Variants in UMODL1 observed in about 807,000 individuals in gnomAD.
UMODL1 encodes uromodulin like 1.
Under a neutral mutation model 136.3 loss-of-function variants are expected in UMODL1, and 128 were observed. That is an observed-to-expected ratio of 0.94 (90% CI 0.81 to 1.09). The LOEUF (loss-of-function observed/expected upper bound fraction) is 1.09. Ranked by LOEUF, UMODL1 falls within the 50% of genes least tolerant of loss-of-function variation. The probability of loss-of-function intolerance (pLI) is 0.00; values close to 1 mark genes in which losing one functional copy is unlikely to be tolerated. For synonymous variants in UMODL1, 721 were observed against 720.0 expected, an observed-to-expected ratio of 1.00 and a Z score of -0.02; for missense variants, 1,766 against 1,725.6, an observed-to-expected ratio of 1.02 and a Z score of -0.41.
intron 22 of UMODL1, among the ~76,000 whole-genome samples, chr21:42,139,556 G>GC (rs552661107): frequency 2.6e-5 from 4 of 151,858 alleles, no homozygotes; most frequent in Admixed American, 2.6e-4. Context: ...CATATCAACT[G>GC]CCCACCCTCT....
At position 42,122,244 on chromosome 21, in the gene UMODL1, C is replaced by T. The variant is rs752130569; in HGVS notation, c.2828-587C>T. Among the ~76,000 whole-genome samples, 6 of 152,128 alleles carry T rather than the reference C, an allele frequency of 3.9e-5. No individual in the cohort carries two copies. The East Asian group carries it at 1.2e-3, about 29-fold the overall frequency. Reference sequence around the variant, plus strand: ...GGGTCTGCTTCCATATAGACCACCCCGAGAACAGGTGGGTGGATTGGAAAG... The same window carrying T: ...GGGTCTGCTTCCATATAGACCACCCTGAGAACAGGTGGGTGGATTGGAAAG... On this transcript the variant is annotated intron_variant, in intron 16 of 22. Transcript: ENST00000408910. This position sits in a 1 kb window ranked among gnomAD's most constrained non-coding sequence, Gnocchi z 4.3.
At position 42,126,383 on chromosome 21, in the gene UMODL1, C is replaced by T. The variant is rs527815090; in HGVS notation, c.3186C>T (p.Asn1062=). The T allele has an allele frequency of 1.4e-4, 218 of 1,614,202 alleles. 2 individuals are homozygous for T. In the South Asian group the frequency reaches 1.7e-3, roughly 13 times the overall value. ...TNTVVRTTLR[N]DLSQEGIIHH... ...CCGTGGTGAGGACCACGCTGAGGAA[C>T]GACCTGTCCCAGGAGGGCATCATCC... is the stretch of plus-strand genomic sequence containing the variant. Residue 1062 remains asparagine, a synonymous_variant, in exon 18 of 23, where the codon AAC becomes AAT. Coordinates refer to ENST00000408910, the MANE Select transcript of UMODL1 (RefSeq NM_001004416.3).
rs2066984173 is a variant in UMODL1 at position 42,122,427 on chromosome 21, C to G, written c.2828-404C>G. On this transcript the variant is annotated intron_variant, in intron 16 of 22. Transcript: ENST00000408910. This position sits in a 1 kb window ranked among gnomAD's most constrained non-coding sequence, Gnocchi z 4.3. ...CAGGGCTCTCAGGGCAGAAGACTCA[C>G]CCTGTATCCACTGGCTTGGCACATC... Among the ~76,000 whole-genome samples the G allele has an allele frequency of 6.6e-6, 1 of 152,206 alleles. No homozygotes were observed. The highest frequency in any genetic ancestry group is 2.1e-4 in the South Asian group (1 of 4,836).
intron 21 of UMODL1, among the ~76,000 whole-genome samples, chr21:42,132,970 A>G (rs1405898581): frequency 6.6e-6 from 1 of 152,278 alleles, no homozygotes; most frequent in Non-Finnish European, 1.5e-5. Flanking sequence ...CTACACTGGC[A>G]TAACCAAAGC....
chr21:42,124,733 C>T (rs1228055775), intron 17 of UMODL1, among the ~76,000 whole-genome samples: 6 of 152,228 alleles, frequency 3.9e-5, no homozygotes, highest in African/African-American at 7.2e-5. Flanking sequence ...TTGGCGGGAA[C>T]TCTGGGCCCT....
At chr21:42,090,065 C>T (rs999085505) in intron 5 of UMODL1, among the ~76,000 whole-genome samples, 4 of 152,224 alleles carry the variant, frequency 2.6e-5, no homozygotes, top group African/African-American at 9.6e-5. Flanking sequence ...GAGCCAGCCG[C>T]GAGCCCTGCC....
chr21:42,093,605 G>A lies in UMODL1; in HGVS notation c.931+3167G>A, dbSNP rs934122080. 1.0e-4 allele frequency: 24 copies of A among 228,904 alleles called. No individual in the cohort carries two copies. The South Asian group carries it at 1.2e-3, about 12-fold the overall frequency. The allele number at this position is 228,904 out of a possible 1,614,324, so 14.2% of individuals were successfully genotyped here. ...TCCCAGAGCCAGCTGTGGATGTGGC[G>A]GGCTCCAGGGTCAGATCTTCCCCCC... On this transcript the variant is annotated intron_variant, in intron 6 of 22. Transcript: ENST00000408910.
intron 2 of UMODL1, among the ~76,000 whole-genome samples, chr21:42,076,477 T>C (rs1256838199): frequency 6.6e-6 from 1 of 152,168 alleles, no homozygotes; most frequent in African/African-American, 2.4e-5. Flanking sequence ...CCTGACAAGT[T>C]CCTGGGTGAC....
At chr21:42,119,402 T>C (rs1218562953) in intron 15 of UMODL1, 78 bp downstream of exon 15, 2 of 1,375,000 alleles carry the variant, frequency 1.5e-6, no homozygotes, top group African/African-American at 1.4e-5. Flanking sequence ...CCCTTCGCTT[T>C]TGAAAGATGT....
chr21:42,129,808 G>T lies in UMODL1; in HGVS notation c.3775+11G>T. ...TCATCCGGTCTGAAGGTGAGTTGAT[G>T]ACTTGGTTTAGACAATGAAAGAAAA... On this transcript the variant is annotated intron_variant, in intron 21 of 22. Coordinates refer to ENST00000408910, the MANE Select transcript of UMODL1 (RefSeq NM_001004416.3). 3 of 1,555,402 alleles carry T rather than the reference G, an allele frequency of 1.9e-6. No individual in the cohort carries two copies. The highest frequency in any genetic ancestry group is 2.6e-6 in the Non-Finnish European group (3 of 1,156,888).
intron 6 of UMODL1, among the ~76,000 whole-genome samples, chr21:42,094,479 G>T (rs1220228764): frequency 6.6e-6 from 1 of 152,164 alleles, no homozygotes; most frequent in East Asian, 1.9e-4. Context: ...GGGCTCTGGG[G>T]CCTGAAGTTT....
In UMODL1 at chr21:42,111,527, G is replaced by A. The variant is rs1169126116; in HGVS notation, c.1921G>A (p.Glu641Lys). The A allele has an allele frequency of 6.2e-7, 1 of 1,613,818 alleles. No homozygotes were observed. ...ACAGCTACAGGGAAACTCCATCATG[G>A]AGCCACCCTCCTGGCCTTCCCCTAC... is the stretch of plus-strand genomic sequence containing the variant. The part of the protein sequence containing the change: ...EQELQGNSIM[E>K]PPSWPSPTED... Residue 641 changes from glutamate to lysine, a missense_variant, in exon 12 of 23, where the codon GAG (glutamate) becomes AAG (lysine). Physicochemically the swap from Glu to Lys is moderately conservative, Grantham distance 56. Coordinates refer to ENST00000408910, the MANE Select transcript of UMODL1 (RefSeq NM_001004416.3).
intron 15 of UMODL1, chr21:42,120,559 C>G (rs2066956400): frequency 6.6e-6 from 1 of 152,380 alleles, no homozygotes; most frequent in African/African-American, 2.4e-5. Context: ...GCAAGCTATG[C>G]TCTCAGAGCA....
chr21:42,075,795 T>C (rs575445654), intron 1 of UMODL1, among the ~76,000 whole-genome samples: 1 of 152,390 alleles, frequency 6.6e-6, no homozygotes, highest in South Asian at 2.1e-4. Context: ...GTTTATGCTT[T>C]ATTCTTCTGT....
intron 2 of UMODL1, among the ~76,000 whole-genome samples, chr21:42,077,307 C>T (rs469612): frequency 0.19 from 29,196 of 151,598 alleles, 3,202 homozygotes; most frequent in Non-Finnish European, 0.25. Flanking sequence ...TGTACCCAGG[C>T]GAGTTAGAGA....
At chr21:42,135,229 G>A (rs2067190043) in intron 21 of UMODL1, among the ~76,000 whole-genome samples, 1 of 152,254 alleles carries the variant, frequency 6.6e-6, no homozygotes, top group Non-Finnish European at 1.5e-5. Flanking sequence ...TAGATGCCCT[G>A]TTTGGCAGGA....
intron 22 of UMODL1, among the ~76,000 whole-genome samples, chr21:42,141,346 G>A (rs1318745294): frequency 6.6e-6 from 1 of 152,158 alleles, no homozygotes; most frequent in Non-Finnish European, 1.5e-5. Flanking sequence ...CAGGACTCCT[G>A]GTAACTAACA....
intron 6 of UMODL1, among the ~76,000 whole-genome samples, chr21:42,091,317 T>A (rs753257624): frequency 6.6e-6 from 1 of 152,174 alleles, no homozygotes; most frequent in Non-Finnish European, 1.5e-5. Flanking sequence ...ATCCCTAGCA[T>A]CGCGGGATCA....
At chr21:42,092,411 TA>T (rs2066502766) in intron 6 of UMODL1, among the ~76,000 whole-genome samples, 1 of 151,858 alleles carries the variant, frequency 6.6e-6, no homozygotes, top group Non-Finnish European at 1.5e-5. Flanking sequence ...TTTTAAACCT[TA>T]TTTAAATCCT....
Sources: allele counts gnomAD v4.1 joint callset (sites outside exome capture counted in the v4.1 genomes callset), GRCh38; gene constraint gnomAD v4.1.1; non-coding constraint Gnocchi (gnomAD v3.1); transcripts MANE v1.5; gene names NCBI Gene and HGNC (gene_info 2026-07-23, HGNC 2026-07-21).